Variants in CTNNA2 observed in about 807,000 individuals in gnomAD.
The protein encoded by CTNNA2 is catenin alpha 2, also known as catenin alpha-2.
In CTNNA2, 42 loss-of-function variants were observed where a neutral mutation model predicts 101.0. The observed-to-expected ratio is 0.42, with a 90% CI of 0.32 to 0.54. The LOEUF is 0.54. CTNNA2 is among the 20% of genes least tolerant of loss of function. CTNNA2 has a pLI of 0.14. For synonymous variants in CTNNA2, 450 were observed against 456.4 expected (o/e 0.99, Z 0.18); for missense variants, 871 against 1,223.1 (o/e 0.71, Z 4.29).
At chr2:79,243,894 T>G (rs1420057726) in intron 2 of CTNNA2, among the ~76,000 whole-genome samples, 1 of 152,122 alleles carries the variant, frequency 6.6e-6, no homozygotes, top group African/African-American at 2.4e-5. Context: ...GGAAATTTGT[T>G]TTGTCTCTGA....
At chr2:79,385,707 G>A (rs186082010) in intron 4 of CTNNA2, among the ~76,000 whole-genome samples, 28 of 151,776 alleles carry the variant, frequency 1.8e-4, no homozygotes, top group Admixed American at 5.9e-4. Context: ...CAACAGGCCC[G>A]GGTGTGTGAT....
intron 2 of CTNNA2, 25 bp downstream of exon 2, chr2:79,651,683 T>A (rs1220553424): frequency 6.3e-7 from 1 of 1,574,866 alleles, no homozygotes; most frequent in African/African-American, 1.4e-5. Context: ...GAAACCACTT[T>A]GTTATATATG....
intron 9 of CTNNA2, among the ~76,000 whole-genome samples, chr2:80,516,247 T>A (rs902640185): frequency 2.0e-5 from 3 of 152,168 alleles, no homozygotes; most frequent in Admixed American, 6.5e-5. Flanking sequence ...CTAAGCAACA[T>A]TGGGTTTTTT....
chr2:79,872,103 A>C (rs1682628099), intron 5 of CTNNA2, among the ~76,000 whole-genome samples: 1 of 152,232 alleles, frequency 6.6e-6, no homozygotes, highest in Non-Finnish European at 1.5e-5. Context: ...AATGCATTTA[A>C]AATCATACTA....
At chr2:80,121,403 T>C (rs1701823899) in intron 7 of CTNNA2, among the ~76,000 whole-genome samples, 1 of 152,200 alleles carries the variant, frequency 6.6e-6, no homozygotes, top group East Asian at 1.9e-4. Context: ...ACAATGCATA[T>C]GAAAGTTTTG....
At chr2:80,589,087 T>A (rs971022144) in intron 14 of CTNNA2, among the ~76,000 whole-genome samples, 2 of 152,164 alleles carry the variant, frequency 1.3e-5, no homozygotes, top group Non-Finnish European at 2.9e-5. Context: ...GATATCTCTG[T>A]ATTTTTCATA....
intron 7 of CTNNA2, among the ~76,000 whole-genome samples, chr2:80,010,280 T>A (rs1037913039): frequency 6.6e-6 from 1 of 152,150 alleles, no homozygotes; most frequent in African/African-American, 2.4e-5. Flanking sequence ...CTTTCAGCAG[T>A]CCTCATTAAC....
chr2:80,357,229 A>AT (rs199637514), intron 7 of CTNNA2, among the ~76,000 whole-genome samples: 2,747 of 130,190 alleles, frequency 0.021, 87 homozygotes, highest in African/African-American at 0.071. Context: ...TCAAAATAGC[A>AT]TTTTTTTTTT....
chr2:79,751,813 G>T (rs1158215646), intron 3 of CTNNA2, among the ~76,000 whole-genome samples: 2 of 151,948 alleles, frequency 1.3e-5, no homozygotes, highest in East Asian at 1.9e-4. Flanking sequence ...AGAAAAACTG[G>T]ACCCAGACAG....
chr2:80,405,798 T>G (rs932233659), intron 8 of CTNNA2, among the ~76,000 whole-genome samples: 2 of 152,172 alleles, frequency 1.3e-5, no homozygotes, highest in Non-Finnish European at 2.9e-5. Context: ...CCATTTGTCC[T>G]GAGGAGTTTG....
chr2:79,335,660 T>A (rs779329179), intron 3 of CTNNA2, among the ~76,000 whole-genome samples: 2 of 152,202 alleles, frequency 1.3e-5, no homozygotes, highest in Non-Finnish European at 2.9e-5. Flanking sequence ...TACTCCAAAA[T>A]AGACTCTGAC....
At chr2:79,779,402 C>T (rs914707108) in intron 3 of CTNNA2, among the ~76,000 whole-genome samples, 3 of 152,076 alleles carry the variant, frequency 2.0e-5, no homozygotes, top group African/African-American at 7.2e-5. Flanking sequence ...GTCAAGCATC[C>T]AGTGGGAGGG....
chr2:79,326,300 CAAA>C (rs72151080), intron 3 of CTNNA2, among the ~76,000 whole-genome samples: 22,768 of 118,970 alleles, frequency 0.19, 1,786 homozygotes, highest in East Asian at 0.22. Flanking sequence ...AACAAACAAG[CAAA>C]AAAAAAAAAA....
At chr2:79,410,390 G>A (rs1398126193) in intron 4 of CTNNA2, among the ~76,000 whole-genome samples, 1 of 149,544 alleles carries the variant, frequency 6.7e-6, no homozygotes, top group Non-Finnish European at 1.5e-5. Flanking sequence ...AGTTTTCAAA[G>A]GGAATGCTTC....
At chr2:80,487,004 G>C (rs1243312716) in intron 9 of CTNNA2, among the ~76,000 whole-genome samples, 3 of 152,062 alleles carry the variant, frequency 2.0e-5, no homozygotes, top group African/African-American at 7.2e-5. Flanking sequence ...GCAAAACTTG[G>C]GCCGAGCGTG....
chr2:80,158,401 G>A (rs905655843), intron 7 of CTNNA2, among the ~76,000 whole-genome samples: 5 of 152,086 alleles, frequency 3.3e-5, no homozygotes, highest in East Asian at 1.9e-4. Context: ...TCTTTCCCTC[G>A]TTTCGCACAA....
At chr2:79,822,996 C>G (rs1271846727) in intron 3 of CTNNA2, among the ~76,000 whole-genome samples, 1 of 152,138 alleles carries the variant, frequency 6.6e-6, no homozygotes, top group Non-Finnish European at 1.5e-5. Flanking sequence ...GGTCTTTTGC[C>G]AGATACAATT....
intron 6 of CTNNA2, among the ~76,000 whole-genome samples, chr2:79,889,088 C>T (rs1487282428): frequency 6.6e-6 from 1 of 152,114 alleles, no homozygotes. Flanking sequence ...TATGACTTCT[C>T]GTGTGCTTCC....
At chr2:80,481,968 A>G (rs1451871257) in intron 9 of CTNNA2, among the ~76,000 whole-genome samples, 2 of 152,274 alleles carry the variant, frequency 1.3e-5, no homozygotes, top group East Asian at 1.9e-4. Flanking sequence ...TTAGATGGCC[A>G]TATCGGGGAG....
Sources: allele counts gnomAD v4.1 joint callset (sites outside exome capture counted in the v4.1 genomes callset), GRCh38; gene constraint gnomAD v4.1.1; transcripts MANE v1.5; gene names NCBI Gene and HGNC (gene_info 2026-07-23, HGNC 2026-07-21).